STPG2: variants seen among roughly 807,000 people sequenced by gnomAD.
STPG2 encodes the protein sperm tail PG-rich repeat containing 2, also known as sperm-tail PG-rich repeat-containing protein 2.
STPG2 carries 56 observed loss-of-function variants against 54.2 expected under a neutral mutation model. The observed-to-expected ratio is 1.03, with a 90% CI of 0.83 to 1.29. The LOEUF (loss-of-function observed/expected upper bound fraction) is 1.29. Ranked by LOEUF, STPG2 falls within the 50% of genes most tolerant of loss-of-function variation. STPG2 has a pLI of 0.00. For synonymous variants in STPG2, 200 were observed against 181.8 expected (o/e 1.10, Z -0.81); for missense variants, 596 against 544.9 (o/e 1.09, Z -0.93).
chr4:97,845,583 C>T (rs191768689), intron 8 of STPG2, among the ~76,000 whole-genome samples: 177 of 152,052 alleles, frequency 1.2e-3, no homozygotes, highest in Admixed American at 1.3e-3. Flanking sequence ...AACTATTGAC[C>T]GACCATGACT....
chr4:97,875,313 T>A (rs944446655), intron 8 of STPG2, among the ~76,000 whole-genome samples: 3 of 151,854 alleles, frequency 2.0e-5, no homozygotes, highest in Non-Finnish European at 4.4e-5. Context: ...TGTCTCTTTA[T>A]ATACTTACGT....
chr4:97,573,504 G>A (rs1242622074), intron 10 of STPG2, among the ~76,000 whole-genome samples: 2 of 151,320 alleles, frequency 1.3e-5, no homozygotes, highest in Admixed American at 6.6e-5. Context: ...GTAGAAACAA[G>A]GATTTATTAT....
chr4:97,640,079 A>C (rs965306263), intron 10 of STPG2, among the ~76,000 whole-genome samples: 1 of 152,094 alleles, frequency 6.6e-6, no homozygotes, highest in African/African-American at 2.4e-5. Flanking sequence ...TGGGCTTAGT[A>C]GGAAATCTAA....
At chr4:97,808,336 C>T (rs887068279) in intron 9 of STPG2, among the ~76,000 whole-genome samples, 1 of 151,604 alleles carries the variant, frequency 6.6e-6, no homozygotes, top group Admixed American at 6.6e-5. Context: ...AAACGATAAA[C>T]AAAATTAAAA....
chr4:97,653,096 T>C lies in STPG2; in HGVS notation c.1320+59603A>G, dbSNP rs528378907. On this transcript the variant is annotated intron_variant, in intron 10 of 10. Coordinates refer to ENST00000295268, the MANE Select transcript of STPG2 (RefSeq NM_174952.3). The stretch of plus-strand genomic sequence containing the variant: ...AGGTAGATAGATGATTGATAGATGA[T>C]AGATAGATAGATAGATAGGTAGATA... 1.2e-4 allele frequency among the ~76,000 whole-genome samples: 18 copies of C among 144,604 alleles called. No individual in the cohort carries two copies. The East Asian group carries it at 3.6e-3, about 29-fold the overall frequency. The allele number at this position is 144,604 out of a possible 152,430, so 94.9% of individuals were successfully genotyped here. A position where few individuals can be genotyped will look rare whatever the true frequency, so the allele number is the denominator to read the frequency against.
At chr4:97,890,847 G>A (rs2149174663) in intron 8 of STPG2, among the ~76,000 whole-genome samples, 1 of 151,638 alleles carries the variant, frequency 6.6e-6, no homozygotes, top group Non-Finnish European at 1.5e-5. Flanking sequence ...AAAAACTTAT[G>A]ACAAGATATG....
At chr4:97,903,438 T>A (rs1339133370) in intron 8 of STPG2, among the ~76,000 whole-genome samples, 1 of 150,270 alleles carries the variant, frequency 6.7e-6, no homozygotes, top group African/African-American at 2.5e-5. Flanking sequence ...AAGCATACAA[T>A]TAAAAATCTA....
intron 4 of STPG2, among the ~76,000 whole-genome samples, chr4:97,482,763 A>C (rs952363564): frequency 1.3e-5 from 2 of 151,654 alleles, no homozygotes; most frequent in African/African-American, 4.8e-5. Flanking sequence ...TCATCAGGTT[A>C]TCTAAAGTTA....
intron 8 of STPG2, among the ~76,000 whole-genome samples, chr4:97,896,332 T>A (rs964243891): frequency 6.6e-6 from 1 of 151,714 alleles, no homozygotes; most frequent in Non-Finnish European, 1.5e-5. Context: ...ACCTATTACA[T>A]ACAAACTGAA....
intron 5 of STPG2, among the ~76,000 whole-genome samples, chr4:97,992,377 T>A (rs1735050833): frequency 6.6e-6 from 1 of 152,148 alleles, no homozygotes; most frequent in Non-Finnish European, 1.5e-5. Flanking sequence ...ACTTTATGTT[T>A]TTGTTTGCTT....
chr4:97,442,302 T>C (rs1251187072), intron 4 of STPG2, among the ~76,000 whole-genome samples: 2 of 152,094 alleles, frequency 1.3e-5, no homozygotes, highest in Non-Finnish European at 2.9e-5. Flanking sequence ...TAGCTTGTTC[T>C]TTCTTCATGC....
chr4:98,017,350 C>A (rs930474395), intron 5 of STPG2, among the ~76,000 whole-genome samples: 1 of 152,214 alleles, frequency 6.6e-6, no homozygotes, highest in African/African-American at 2.4e-5. Flanking sequence ...CCTGGATCTG[C>A]CAGGGTGACC....
In STPG2 at chr4:97,559,061, C is replaced by CA. The variant is rs746751521; in HGVS notation, c.1376dup (p.Met459IlefsTer4). The CA allele has an allele frequency of 6.2e-7, 1 of 1,602,832 alleles. No homozygotes were observed. The highest frequency in any genetic ancestry group is 1.7e-5 in the Admixed American group (1 of 57,854). On this transcript the variant is annotated frameshift_variant, in exon 11 of 11. Coordinates refer to ENST00000295268, the MANE Select transcript of STPG2 (RefSeq NM_174952.3). LOFTEE classifies it high-confidence loss of function. ...AAGTTTTTGCCATAAATTTATGTCACATTATATCAGCAGCCATTTCACCAA... is the reference window on the plus strand; with the variant it reads ...AAGTTTTTGCCATAAATTTATGTCACAATTATATCAGCAGCCATTTCACCAA...
intron 5 of STPG2, among the ~76,000 whole-genome samples, chr4:98,055,391 G>C (rs921802408): frequency 1.3e-5 from 2 of 152,172 alleles, no homozygotes; most frequent in African/African-American, 4.8e-5. Flanking sequence ...GAAAGTGTAT[G>C]GAGGAAAGAC....
intron 8 of STPG2, among the ~76,000 whole-genome samples, chr4:97,854,885 G>C (rs1368533084): frequency 6.6e-6 from 1 of 152,036 alleles, no homozygotes; most frequent in African/African-American, 2.4e-5. Flanking sequence ...TATTCTTCCT[G>C]ATGCTCTCCC....
At position 97,941,747 on chromosome 4, in the gene STPG2, T is replaced by A. The variant is rs576197039; in HGVS notation, c.1044+2150A>T. Among the ~76,000 whole-genome samples the A allele has an allele frequency of 3.3e-5, 5 of 152,202 alleles. No individual in the cohort carries two copies. In the South Asian group the frequency reaches 1.0e-3, roughly 32 times the overall value. On this transcript the variant is annotated intron_variant, in intron 8 of 10. Coordinates refer to ENST00000295268, the MANE Select transcript of STPG2 (RefSeq NM_174952.3). ...TAATAAAATTAATTCCATTACTTTA[T>A]ACATTTGAGATATTATTTCAATTTT...
intron 10 of STPG2, among the ~76,000 whole-genome samples, chr4:97,585,101 CA>C (rs60854805): frequency 0.29 from 13,274 of 45,852 alleles, 323 homozygotes; most frequent in East Asian, 0.37. Context: ...AAAATATTCT[CA>C]AAAAAAAAAA....
At chr4:97,996,563 A>C (rs1053301230) in intron 5 of STPG2, among the ~76,000 whole-genome samples, 2 of 152,274 alleles carry the variant, frequency 1.3e-5, no homozygotes, top group African/African-American at 4.8e-5. Context: ...ATTTCATGAC[A>C]AAGATGCCAA....
intron 8 of STPG2, among the ~76,000 whole-genome samples, chr4:97,855,941 G>T (rs1056889018): frequency 1.3e-5 from 2 of 152,132 alleles, no homozygotes; most frequent in Non-Finnish European, 2.9e-5. Flanking sequence ...TCCATTGCTT[G>T]TTTTTGTCAG....
Sources: allele counts gnomAD v4.1 joint callset (sites outside exome capture counted in the v4.1 genomes callset), GRCh38; gene constraint gnomAD v4.1.1; transcripts MANE v1.5; gene names NCBI Gene and HGNC (gene_info 2026-07-23, HGNC 2026-07-21).